UBE2Q2: variants seen among roughly 807,000 people sequenced by gnomAD.
UBE2Q2 encodes ubiquitin-conjugating enzyme E2 Q2.
UBE2Q2 carries 54 observed loss-of-function variants against 59.9 expected under a neutral mutation model. The observed-to-expected ratio is 0.90, with a 90% CI of 0.72 to 1.13. The LOEUF is 1.13. UBE2Q2 is among the 50% of genes most tolerant of loss of function. The probability of loss-of-function intolerance (pLI) is 0.00; values close to 1 mark genes in which losing one functional copy is unlikely to be tolerated. For missense variants in UBE2Q2, 433 were observed against 441.9 expected (o/e 0.98, Z 0.18); for synonymous variants, 165 against 155.2 (o/e 1.06, Z -0.47).
chr15:75,843,873 G>A (rs573992861), intron 1 of UBE2Q2, 27 bp downstream of exon 1: 21 of 1,535,434 alleles, frequency 1.4e-5, no homozygotes, highest in Admixed American at 4.0e-5. Context: ...CGGCCCCGCG[G>A]GGCAGGGCGA....
chr15:75,869,875 T>C (rs1897692147), intron 4 of UBE2Q2, among the ~76,000 whole-genome samples: 1 of 152,216 alleles, frequency 6.6e-6, no homozygotes, highest in South Asian at 2.1e-4. Context: ...TGCATTTAAA[T>C]TCAAACTTCA....
intron 8 of UBE2Q2, among the ~76,000 whole-genome samples, chr15:75,882,010 T>A (rs1898457241): frequency 6.6e-6 from 1 of 152,194 alleles, no homozygotes; most frequent in South Asian, 2.1e-4. Context: ...AGGGTTGATG[T>A]TATCTTGTCT....
intron 4 of UBE2Q2, among the ~76,000 whole-genome samples, chr15:75,870,743 T>C (rs1178655480): frequency 6.6e-6 from 1 of 152,054 alleles, no homozygotes; most frequent in Non-Finnish European, 1.5e-5. Flanking sequence ...TACTTTTCTT[T>C]TGAGGAGGGT....
At chr15:75,850,800 A>C (rs1896598955) in intron 1 of UBE2Q2, among the ~76,000 whole-genome samples, 1 of 152,208 alleles carries the variant, frequency 6.6e-6, no homozygotes, top group Non-Finnish European at 1.5e-5. Context: ...TCAGCACTTA[A>C]GGGCTTTGGT....
chr15:75,882,537 G>A (rs1472517123), intron 8 of UBE2Q2, among the ~76,000 whole-genome samples: 1 of 152,022 alleles, frequency 6.6e-6, no homozygotes, highest in Non-Finnish European at 1.5e-5. Flanking sequence ...ATAATAGGAG[G>A]TTAAATGAAA....
chr15:75,876,409 C>T, intron 6 of UBE2Q2, 138 bp downstream of exon 6: 1 of 720,524 alleles, frequency 1.4e-6, no homozygotes, highest in Non-Finnish European at 2.1e-6. Context: ...AACTCAAATG[C>T]AATCAAGTTC....
chr15:75,877,728 G>A (rs1164109973), intron 6 of UBE2Q2, among the ~76,000 whole-genome samples: 6 of 152,086 alleles, frequency 3.9e-5, no homozygotes, highest in Admixed American at 3.3e-4. Context: ...AGACTAAACG[G>A]TAAGCAGTTT....
chr15:75,872,894 AGTTTTTC>A lies in UBE2Q2; in HGVS notation c.448-530_448-524del, dbSNP rs367569213. ...TTTTTTGTATTGTTTTTCATTTTAA[AGTTTTTC>A]GTTACAGGAGAAATTAGGCTATGTT... On this transcript the variant is annotated intron_variant, in intron 4 of 12. Transcript: ENST00000267938. 6.4e-4 allele frequency among the ~76,000 whole-genome samples: 97 copies of A among 152,090 alleles called. 2 individuals are homozygous for A. Among genetic ancestry groups the A allele is most frequent in the African/African-American group, 2.2e-3 (91 of 41,538 alleles).
At chr15:75,858,294 A>G (rs746217617) in intron 2 of UBE2Q2, among the ~76,000 whole-genome samples, 2 of 152,160 alleles carry the variant, frequency 1.3e-5, no homozygotes, top group Non-Finnish European at 2.9e-5. Context: ...AGTGCCATGG[A>G]TATTCAAAAT....
chr15:75,860,815 C>T (rs571801202), intron 3 of UBE2Q2, among the ~76,000 whole-genome samples: 3 of 152,172 alleles, frequency 2.0e-5, no homozygotes, highest in African/African-American at 7.2e-5. Flanking sequence ...TGCTCTCCTA[C>T]AGTAGATCCA....
intron 12 of UBE2Q2, among the ~76,000 whole-genome samples, chr15:75,898,732 C>T (rs538117469): frequency 6.9e-4 from 105 of 152,186 alleles, no homozygotes; most frequent in Non-Finnish European, 1.1e-3. Context: ...TATTCTAAAT[C>T]GCCAGGATTT....
At chr15:75,887,204 G>A (rs913591904) in intron 9 of UBE2Q2, among the ~76,000 whole-genome samples, 6 of 152,134 alleles carry the variant, frequency 3.9e-5, no homozygotes, top group African/African-American at 1.2e-4. Flanking sequence ...GGGATTAAAA[G>A]TACTAAGTAC....
At chr15:75,893,563 C>A (rs1026422648) in intron 11 of UBE2Q2, among the ~76,000 whole-genome samples, 7 of 152,278 alleles carry the variant, frequency 4.6e-5, no homozygotes, top group African/African-American at 1.4e-4. Flanking sequence ...TAGATTTGAA[C>A]AACCAGTGAA....
intron 10 of UBE2Q2, 43 bp from the exon 11 acceptor site, chr15:75,890,876 C>T (rs1343674679): frequency 5.8e-6 from 9 of 1,558,632 alleles, no homozygotes; most frequent in Non-Finnish European, 7.9e-6. Context: ...AAGTGGGAAT[C>T]AGAAATACTA....
At position 75,885,457 on chromosome 15, in the gene UBE2Q2, G is replaced by A. The variant is rs1441808271; in HGVS notation, c.884+2033G>A. Among the ~76,000 whole-genome samples the A allele has an allele frequency of 2.0e-5, 3 of 152,192 alleles. No individual in the cohort carries two copies. In the East Asian group the frequency reaches 5.8e-4, roughly 29 times the overall value. ...GATGTTTGTTTTGAGGGGACTGCAAGGTTTTGGGAAACCAGGTTCAGAATA... is the reference window on the plus strand; with the variant it reads ...GATGTTTGTTTTGAGGGGACTGCAAAGTTTTGGGAAACCAGGTTCAGAATA... On this transcript the variant is annotated intron_variant, in intron 9 of 12. Coordinates refer to ENST00000267938, the MANE Select transcript of UBE2Q2 (RefSeq NM_173469.4).
intron 5 of UBE2Q2, 47 bp downstream of exon 5, chr15:75,873,615 A>G: frequency 6.4e-7 from 1 of 1,571,474 alleles, no homozygotes; most frequent in Non-Finnish European, 8.6e-7. Context: ...TGGTTAAATA[A>G]TTGTAGTTAA....
intron 6 of UBE2Q2, 42 bp downstream of exon 6, chr15:75,876,313 C>G: frequency 6.6e-7 from 1 of 1,507,790 alleles, no homozygotes; most frequent in Non-Finnish European, 9.1e-7. Flanking sequence ...GATTCTTCTG[C>G]TCTTTTCTAT....
At chr15:75,872,533 CT>C (rs374099581) in intron 4 of UBE2Q2, among the ~76,000 whole-genome samples, 4,029 of 114,712 alleles carry the variant, frequency 0.035, 42 homozygotes, top group African/African-American at 0.078. Context: ...TTTTCTTTTC[CT>C]TTTTTTTTTT....
intron 9 of UBE2Q2, 93 bp downstream of exon 9, chr15:75,883,517 G>A (rs1033577532): frequency 4.4e-6 from 4 of 903,160 alleles, no homozygotes; most frequent in African/African-American, 1.7e-5. Context: ...GCCCTGGCTG[G>A]TCTTGAATTC....
Sources: allele counts gnomAD v4.1 joint callset (sites outside exome capture counted in the v4.1 genomes callset), GRCh38; gene constraint gnomAD v4.1.1; transcripts MANE v1.5; gene names NCBI Gene and HGNC (gene_info 2026-07-23, HGNC 2026-07-21).